The following HMCN1 variants were observed in gnomAD, a reference collection of about 807,000 sequenced individuals.
HMCN1 encodes hemicentin-1.
Under a neutral mutation model 625.9 loss-of-function variants are expected in HMCN1, and 321 were observed. The observed-to-expected ratio is 0.51, with a 90% CI of 0.47 to 0.56. The LOEUF is 0.56. HMCN1 is among the 20% of genes least tolerant of loss of function. The pLI is 0.00. For synonymous variants in HMCN1, 2,425 were observed against 2,417.6 expected (o/e 1.00, Z -0.09); for missense variants, 6,588 against 6,887.3 (o/e 0.96, Z 1.54).
intron 36 of HMCN1, among the ~76,000 whole-genome samples, chr1:186,029,406 A>AT (rs1472857277): frequency 6.6e-6 from 1 of 152,224 alleles, no homozygotes; most frequent in Non-Finnish European, 1.5e-5. Context: ...TATAATTCAC[A>AT]TAATAGAAGA....
chr1:186,000,932 G>A (rs1303681332), intron 26 of HMCN1, among the ~76,000 whole-genome samples: 2 of 151,788 alleles, frequency 1.3e-5, no homozygotes, highest in African/African-American at 4.8e-5. Context: ...ATGAATATTG[G>A]TTTCTTTAGA....
chr1:185,792,556 T>A (rs1014443840), intron 1 of HMCN1, among the ~76,000 whole-genome samples: 2 of 151,442 alleles, frequency 1.3e-5, no homozygotes, highest in African/African-American at 2.4e-5. Flanking sequence ...TGTGCATTTT[T>A]AAAAAAAAAG....
chr1:186,115,081 C>T (rs965270168), intron 74 of HMCN1, 135 bp downstream of exon 74: 2 of 1,421,486 alleles, frequency 1.4e-6, no homozygotes, highest in East Asian at 2.3e-5. Flanking sequence ...TAGCAAGCCC[C>T]AAGTTTTCTC....
At chr1:185,935,222 C>T (rs961511962) in intron 11 of HMCN1, among the ~76,000 whole-genome samples, 3 of 151,336 alleles carry the variant, frequency 2.0e-5, no homozygotes, top group East Asian at 1.9e-4. Flanking sequence ...TGTTTCTCCA[C>T]GTTAACGTTA....
intron 1 of HMCN1, among the ~76,000 whole-genome samples, chr1:185,833,656 C>A (rs1043265050): frequency 6.6e-6 from 1 of 152,060 alleles, no homozygotes; most frequent in Non-Finnish European, 1.5e-5. Flanking sequence ...TCATAGGCAG[C>A]ATTAGAGACA....
At chr1:186,074,609 C>T (rs1658687226) in intron 52 of HMCN1, 132 bp from the exon 53 acceptor site, 1 of 763,758 alleles carries the variant, frequency 1.3e-6, no homozygotes, top group African/African-American at 1.8e-5. Context: ...TTTGATTAAA[C>T]TATTGTCATG....
At chr1:186,133,197 A>G (rs1272770464) in intron 86 of HMCN1, among the ~76,000 whole-genome samples, 1 of 152,070 alleles carries the variant, frequency 6.6e-6, no homozygotes, top group Non-Finnish European at 1.5e-5. Flanking sequence ...TCATGCTGCT[A>G]TAAAGGTGGC....
At chr1:186,065,577 T>C in intron 49 of HMCN1, 148 bp downstream of exon 49, 1 of 572,892 alleles carries the variant, frequency 1.7e-6, no homozygotes, top group Non-Finnish European at 3.0e-6. Context: ...CTATTTTTCC[T>C]GAATTAATTT....
chr1:186,132,279 C>G (rs1252865307), intron 85 of HMCN1, 49 bp from the exon 86 acceptor site: 3 of 1,322,334 alleles, frequency 2.3e-6, no homozygotes. Context: ...AAGTGATTGC[C>G]CTGCTCTGTA....
intron 30 of HMCN1, among the ~76,000 whole-genome samples, chr1:186,010,643 A>G (rs534822254): frequency 2.4e-4 from 37 of 152,238 alleles, no homozygotes; most frequent in Non-Finnish European, 4.3e-4. Flanking sequence ...AGATTAACAT[A>G]TGATATAAAT....
Position 186,189,956 on chromosome 1 carries a change from C to T in HMCN1, c.*78C>T. 1 of 1,523,972 alleles carries T rather than the reference C, an allele frequency of 6.6e-7. No homozygotes were observed. Among genetic ancestry groups the T allele is most frequent in the Non-Finnish European group, 9.0e-7 (1 of 1,107,620 alleles). The allele number at this position is 1,523,972 out of a possible 1,614,324, so 94.4% of individuals were successfully genotyped here. ...CAAGCCCCCTTCCAGATTACTGTCT[C>T]TTGAACAGTTGCAATCTTGGCAGCT... On this transcript the variant is annotated 3_prime_UTR_variant, in exon 107 of 107. Coordinates refer to ENST00000271588, the MANE Select transcript of HMCN1 (RefSeq NM_031935.3).
Position 186,137,206 on chromosome 1 carries a change from G to A in HMCN1, c.13582+269G>A, listed in dbSNP as rs544018937. 2.0e-5 allele frequency among the ~76,000 whole-genome samples: 3 copies of A among 152,218 alleles called. No homozygotes were observed. The East Asian group carries it at 5.8e-4, about 29-fold the overall frequency. ...TCTTAGAAATCAATGTATATGTTTTGCTGCAAAGAATGACTTATGTCCAAA... is the reference window on the plus strand; with the variant it reads ...TCTTAGAAATCAATGTATATGTTTTACTGCAAAGAATGACTTATGTCCAAA... On this transcript the variant is annotated intron_variant, in intron 87 of 106. Coordinates refer to ENST00000271588, the MANE Select transcript of HMCN1 (RefSeq NM_031935.3).
intron 11 of HMCN1, among the ~76,000 whole-genome samples, chr1:185,937,625 T>C (rs1667874929): frequency 6.6e-6 from 1 of 152,124 alleles, no homozygotes; most frequent in African/African-American, 2.4e-5. Context: ...CTCACGCCTG[T>C]AATCCCAGCA....
At chr1:185,784,231 A>G (rs1047616264) in intron 1 of HMCN1, among the ~76,000 whole-genome samples, 1 of 152,076 alleles carries the variant, frequency 6.6e-6, no homozygotes, top group East Asian at 1.9e-4. Flanking sequence ...GAGTGACCCA[A>G]TTTTCCAGTT....
At chr1:186,118,860 G>T (rs1661255682) in intron 77 of HMCN1, among the ~76,000 whole-genome samples, 1 of 152,170 alleles carries the variant, frequency 6.6e-6, no homozygotes, top group Non-Finnish European at 1.5e-5. Flanking sequence ...TTGTGAGTGG[G>T]GAATGACTGT....
chr1:185,836,135 A>T (rs1661161468), intron 1 of HMCN1, among the ~76,000 whole-genome samples: 1 of 152,178 alleles, frequency 6.6e-6, no homozygotes. Flanking sequence ...TATCTTGCCT[A>T]ATGCTCAGAA....
rs200816711 is a variant in HMCN1, at chr1:186,145,854, G to A, written c.14539G>A (p.Val4847Ile). The A allele has an allele frequency of 1.5e-5, 25 of 1,614,070 alleles. No homozygotes were observed. In the East Asian group the frequency reaches 3.8e-4, roughly 24 times the overall value. Residue 4847 changes from valine to isoleucine, a missense_variant, in exon 93 of 107, where the codon GTT (valine) becomes ATT (isoleucine). This residue lies in a region of HMCN1 where 1,954 missense variants were observed against 2,013.1 expected (regional missense o/e 0.97). Coordinates refer to ENST00000271588, the MANE Select transcript of HMCN1 (RefSeq NM_031935.3). Reference protein sequence around the residue: ...RKRLCDHPVPVKGGRPCPGDT... With the variant: ...RKRLCDHPVPIKGGRPCPGDT... ...GCGGCTGTGCGACCATCCTGTGCCA[G>A]TTAAAGGTGGCCGTCCCTGTCCCGG...
intron 102 of HMCN1, among the ~76,000 whole-genome samples, chr1:186,174,215 A>G (rs2102643691): frequency 6.6e-6 from 1 of 152,310 alleles, no homozygotes; most frequent in African/African-American, 2.4e-5. Flanking sequence ...CTAAACTCTA[A>G]TCACTTGTAT....
At chr1:186,179,922 G>A (rs1411939598) in intron 104 of HMCN1, among the ~76,000 whole-genome samples, 1 of 151,922 alleles carries the variant, frequency 6.6e-6, no homozygotes, top group Non-Finnish European at 1.5e-5. Context: ...TTTACCCTTT[G>A]CTTTTTAGGT....
Sources: allele counts gnomAD v4.1 joint callset (sites outside exome capture counted in the v4.1 genomes callset), GRCh38; gene constraint gnomAD v4.1.1; regional missense constraint gnomAD v4.1.1; transcripts MANE v1.5; gene names NCBI Gene and HGNC (gene_info 2026-07-23, HGNC 2026-07-21).